LRRFIP1: variants seen among roughly 807,000 people sequenced by gnomAD.
LRRFIP1 encodes the protein LRR binding FLII interacting protein 1.
In LRRFIP1, 62 loss-of-function variants were observed where a neutral mutation model predicts 104.4. That is an observed-to-expected ratio of 0.59 (90% CI 0.48 to 0.73). The LOEUF (loss-of-function observed/expected upper bound fraction) is 0.73. Among genes scored for constraint, LRRFIP1 ranks in the 30% least tolerant of loss-of-function variants. LRRFIP1 has a pLI of 0.00. For synonymous variants in LRRFIP1, 300 were observed against 299.0 expected, an observed-to-expected ratio of 1.00 and a Z score of -0.03; for missense variants, 796 against 824.5, an observed-to-expected ratio of 0.97 and a Z score of 0.42.
chr2:237,634,671 T>C (rs2082846956), intron 1 of LRRFIP1, among the ~76,000 whole-genome samples: 1 of 152,270 alleles, frequency 6.6e-6, no homozygotes, highest in African/African-American at 2.4e-5. Flanking sequence ...TTGCCAGCTG[T>C]GTAAATAATG....
chr2:237,749,107 T>G, intron 12 of LRRFIP1, 92 bp from the exon 13 acceptor site: 3 of 1,368,874 alleles, frequency 2.2e-6, no homozygotes, highest in Non-Finnish European at 3.0e-6. Context: ...TCCCTCATCT[T>G]GTGGGGATTA....
chr2:237,762,776 A>C, intron 19 of LRRFIP1: 1 of 1,614,218 alleles, frequency 6.2e-7, no homozygotes, highest in Non-Finnish European at 8.5e-7. Flanking sequence ...CTCTGAAGAC[A>C]CTGCCCCATT....
At position 237,720,770 on chromosome 2, in the gene LRRFIP1, A is replaced by G; in HGVS notation, c.295-2A>G. 1 of 1,613,810 alleles carries G rather than the reference A, an allele frequency of 6.2e-7. No individual in the cohort carries two copies. On this transcript the variant is annotated splice_acceptor_variant, in intron 5 of 23. Coordinates refer to ENST00000308482, the MANE Select transcript of LRRFIP1 (RefSeq NM_001137550.2). LOFTEE classifies it high-confidence loss of function. ...GGTTGTTCTCGTCCTTTCTTTTAAT[A>G]GGCTTCTGATGAAGACGAGCGCATG...
intron 1 of LRRFIP1, among the ~76,000 whole-genome samples, chr2:237,707,895 T>G (rs1275834628): frequency 6.6e-6 from 1 of 152,194 alleles, no homozygotes; most frequent in African/African-American, 2.4e-5. Context: ...ATCTTCATTG[T>G]GTTGGGAAAA....
chr2:237,733,913 G>A, intron 9 of LRRFIP1, 95 bp downstream of exon 9: 2 of 1,334,010 alleles, frequency 1.5e-6, no homozygotes, highest in South Asian at 1.2e-5. Context: ...CCTGTTCCCA[G>A]CCCCCTGGGG....
At chr2:237,686,608 G>A (rs1410703510) in intron 1 of LRRFIP1, among the ~76,000 whole-genome samples, 1 of 152,238 alleles carries the variant, frequency 6.6e-6, no homozygotes, top group Non-Finnish European at 1.5e-5. Flanking sequence ...GAGGGAGGTG[G>A]TGGGAGAGGT....
chr2:237,662,050 T>G (rs1383866875), intron 1 of LRRFIP1, among the ~76,000 whole-genome samples: 2 of 152,144 alleles, frequency 1.3e-5, no homozygotes, highest in Non-Finnish European at 2.9e-5. Flanking sequence ...AGACCGGAAG[T>G]CCAAAGTCGA....
At chr2:237,631,792 A>T (rs1176925079) in intron 1 of LRRFIP1, among the ~76,000 whole-genome samples, 1 of 152,232 alleles carries the variant, frequency 6.6e-6, no homozygotes, top group Non-Finnish European at 1.5e-5. Flanking sequence ...AGGAACAGTC[A>T]TTTGCGCAGG....
At chr2:237,689,781 A>G (rs532246927) in intron 1 of LRRFIP1, among the ~76,000 whole-genome samples, 242 of 152,274 alleles carry the variant, frequency 1.6e-3, no homozygotes, top group African/African-American at 5.6e-3. Context: ...TCTGGAAAAG[A>G]GGGGACTCCA....
chr2:237,675,531 C>A (rs1254452413), intron 1 of LRRFIP1, among the ~76,000 whole-genome samples: 1 of 152,152 alleles, frequency 6.6e-6, no homozygotes, highest in African/African-American at 2.4e-5. Flanking sequence ...CAGTTGCCAG[C>A]CTGATTAATT....
intron 23 of LRRFIP1, among the ~76,000 whole-genome samples, chr2:237,778,961 T>C (rs566946448): frequency 1.2e-3 from 171 of 146,732 alleles, no homozygotes; most frequent in Middle Eastern, 4.2e-3. Flanking sequence ...TGGTGGCTCA[T>C]GCCTGTAATC....
chr2:237,775,950 TTTTA>T (rs1489721232), intron 23 of LRRFIP1, among the ~76,000 whole-genome samples: 2 of 152,012 alleles, frequency 1.3e-5, no homozygotes, highest in Non-Finnish European at 2.9e-5. Flanking sequence ...TATTTATTTA[TTTTA>T]TTTGATTTTA....
chr2:237,700,604 C>T (rs1181787330), intron 1 of LRRFIP1, among the ~76,000 whole-genome samples: 1 of 152,114 alleles, frequency 6.6e-6, no homozygotes, highest in Non-Finnish European at 1.5e-5. Flanking sequence ...AGCTGGCAAA[C>T]GGCTTCTCTC....
chr2:237,671,579 G>T (rs1287484523), intron 1 of LRRFIP1, among the ~76,000 whole-genome samples: 1 of 152,118 alleles, frequency 6.6e-6, no homozygotes, highest in Non-Finnish European at 1.5e-5. Flanking sequence ...CAGGGACAAG[G>T]AAGACAGGTA....
rs1375369263 is a variant in LRRFIP1 at position 237,717,096 on chromosome 2, A to G, written c.202-666A>G. On this transcript the variant is annotated intron_variant, in intron 3 of 23. Transcript: ENST00000308482. This position sits in a 1 kb window ranked among gnomAD's most constrained non-coding sequence, Gnocchi z 4.2. ...AAGACACTTCTTCCAGTGTGGTCCA[A>G]GGAAGCCAAAAGATTGGACACCCCT... Among the ~76,000 whole-genome samples the G allele has an allele frequency of 1.3e-5, 2 of 152,212 alleles. No homozygotes were observed. The highest frequency in any genetic ancestry group is 3.9e-4 in the East Asian group (2 of 5,174).
rs1269713519 is a variant in LRRFIP1, at chr2:237,762,710, G to A, written c.1459+2505G>A. 3 of 1,613,656 alleles carry A rather than the reference G, an allele frequency of 1.9e-6. No homozygotes were observed. In the South Asian group the frequency reaches 3.3e-5, roughly 18 times the overall value. ...ACAACACACAGAGGACACAGTGAAG[G>A]ACTGTGTGGACATAGAGGTATTCCC... On this transcript the variant is annotated intron_variant, in intron 19 of 23. Transcript: ENST00000308482.
chr2:237,732,158 C>T (rs1247204956), intron 8 of LRRFIP1, among the ~76,000 whole-genome samples: 5 of 152,158 alleles, frequency 3.3e-5, no homozygotes, highest in African/African-American at 1.2e-4. Context: ...CTGGCCCAGC[C>T]GTCTTTATTT....
intron 1 of LRRFIP1, among the ~76,000 whole-genome samples, chr2:237,629,394 G>C (rs905840321): frequency 3.9e-5 from 6 of 152,042 alleles, no homozygotes; most frequent in African/African-American, 1.2e-4. Context: ...TGATGTCAGT[G>C]GTTATGGGGC....
rs1016567469 is a variant in LRRFIP1 at position 237,703,561 on chromosome 2, A to C, written c.97-4983A>C. Among the ~76,000 whole-genome samples the C allele has an allele frequency of 6.6e-6, 1 of 151,404 alleles. No individual in the cohort carries two copies. The highest frequency in any genetic ancestry group is 2.4e-5 in the African/African-American group (1 of 41,112). On this transcript the variant is annotated intron_variant, in intron 1 of 23. Transcript: ENST00000308482. This position sits in a 1 kb window ranked among gnomAD's most constrained non-coding sequence, Gnocchi z 4.3. The stretch of plus-strand genomic sequence containing the variant: ...TTGTCACCAGCTCCTGGTCGCAGCC[A>C]CCCCGGCTCTGCTTGTCCTGTTTCA...
Sources: gnomAD v4.1 joint callset for allele counts (sites outside exome capture counted in the v4.1 genomes callset) on GRCh38, gnomAD v4.1.1 for gene constraint, Gnocchi (gnomAD v3.1) non-coding constraint, MANE v1.5 for transcripts, NCBI Gene and HGNC (gene_info 2026-07-23, HGNC 2026-07-21) for gene names.